ZNF487: variants seen among roughly 807,000 people sequenced by gnomAD.
The protein encoded by ZNF487 is zinc finger protein 487.
In ZNF487, 4 loss-of-function variants were observed where a neutral mutation model predicts 3.0. The ratio of observed to expected loss-of-function variants is 1.35; its 90% CI spans 0.66 to 3.08. The LOEUF is 3.08. Among genes scored for constraint, ZNF487 ranks in the 30% most tolerant of loss-of-function variants. ZNF487 has a pLI of 0.01. For synonymous variants in ZNF487, 55 were observed against 34.6 expected, an observed-to-expected ratio of 1.59 and a Z score of -2.06; for missense variants, 146 against 98.7, an observed-to-expected ratio of 1.48 and a Z score of -2.03.
At chr10:43,485,072 G>A (rs756544830), downstream of ZNF487, among the ~76,000 whole-genome samples, 1 of 152,120 alleles carries the variant, frequency 6.6e-6, no homozygotes, top group Non-Finnish European at 1.5e-5. Context: ...GCAGCAAGGC[G>A]GGCCAGATTT....
At chr10:43,479,111 A>G (rs1841215254) in intron 3 of ZNF487, among the ~76,000 whole-genome samples, 1 of 76,422 alleles carries the variant, frequency 1.3e-5, no homozygotes, top group Non-Finnish European at 3.2e-5. Context: ...ACATATATAC[A>G]CATATATATG....
At chr10:43,474,275 G>A (rs1841009387) in intron 1 of ZNF487, among the ~76,000 whole-genome samples, 1 of 151,948 alleles carries the variant, frequency 6.6e-6, no homozygotes, top group Non-Finnish European at 1.5e-5. Flanking sequence ...CCAACATGAT[G>A]AAACCCTGTC....
At chr10:43,455,618 A>C (rs988287780) in intron 1 of ZNF487, among the ~76,000 whole-genome samples, 3 of 152,066 alleles carry the variant, frequency 2.0e-5, no homozygotes, top group Non-Finnish European at 4.4e-5. Flanking sequence ...CGGCCCCTCT[A>C]GGTCCGTGGC....
the ZNF487 span, among the ~76,000 whole-genome samples, chr10:43,497,738 C>A: frequency 4.6e-5 from 7 of 151,720 alleles, no homozygotes; most frequent in Non-Finnish European, 8.8e-5. Context: ...GAGGCCGAGG[C>A]GGGAAGATCA....
chr10:43,470,000 T>C (rs1414432165), intron 1 of ZNF487, among the ~76,000 whole-genome samples: 1 of 152,100 alleles, frequency 6.6e-6, no homozygotes, highest in African/African-American at 2.4e-5. Context: ...GACATAATGC[T>C]ATTGCACACT....
At chr10:43,488,832 G>GT in the ZNF487 span, among the ~76,000 whole-genome samples, 2 of 151,998 alleles carry the variant, frequency 1.3e-5, no homozygotes, top group African/African-American at 2.4e-5. Context: ...GAAACTTACT[G>GT]GAGGCCAGGA....
the ZNF487 span, among the ~76,000 whole-genome samples, chr10:43,516,109 C>T: frequency 6.6e-6 from 1 of 152,210 alleles, no homozygotes; most frequent in East Asian, 1.9e-4. Context: ...ACCACTTTGT[C>T]CACTGAATGT....
At chr10:43,442,268 CA>C (rs1215789961) in intron 1 of ZNF487, among the ~76,000 whole-genome samples, 24 of 133,718 alleles carry the variant, frequency 1.8e-4, no homozygotes, top group South Asian at 1.2e-3. Flanking sequence ...ACAACAACAA[CA>C]AAAAAAAAAC....
In ZNF487 at chr10:43,443,384, T is replaced by G. The variant is rs558375709; in HGVS notation, c.-94+6122T>G. ...GGGCCTAGTTTTTGTTTTTGTTTTT[T>G]TTTTTTTGAGATGGAGTCTTGCTCT... On this transcript the variant is annotated intron_variant, in intron 1 of 3. Coordinates refer to ENST00000437590, the MANE Select transcript of ZNF487 (RefSeq NM_001355444.3). Among the ~76,000 whole-genome samples, 38 of 150,178 alleles carry G rather than the reference T, an allele frequency of 2.5e-4. 1 individual carries two copies. Among genetic ancestry groups the G allele is most frequent in the African/African-American group, 8.1e-4 (33 of 40,710 alleles).
intron 1 of ZNF487, among the ~76,000 whole-genome samples, chr10:43,465,621 A>G (rs1235668033): frequency 1.3e-5 from 2 of 151,114 alleles, no homozygotes; most frequent in African/African-American, 4.9e-5. Context: ...CTCACTTCCT[A>G]GATGGGATGG....
the ZNF487 span, among the ~76,000 whole-genome samples, chr10:43,516,012 C>T: frequency 5.0e-4 from 76 of 152,208 alleles, no homozygotes; most frequent in African/African-American, 1.6e-3. Flanking sequence ...GATCTCCTGA[C>T]CTCGTGATCC....
At chr10:43,514,663 G>A in the ZNF487 span, among the ~76,000 whole-genome samples, 13 of 152,154 alleles carry the variant, frequency 8.5e-5, no homozygotes, top group Admixed American at 1.3e-4. Flanking sequence ...TTTGATGGTT[G>A]AGTGCTGCCA....
chr10:43,458,678 C>T (rs1246775767), intron 1 of ZNF487, among the ~76,000 whole-genome samples: 1 of 152,074 alleles, frequency 6.6e-6, no homozygotes, highest in Non-Finnish European at 1.5e-5. Flanking sequence ...CTGTAGATGA[C>T]TTAGTAGAGA....
chr10:43,446,913 T>C (rs1190657740), intron 1 of ZNF487, among the ~76,000 whole-genome samples: 1 of 151,922 alleles, frequency 6.6e-6, no homozygotes, highest in Non-Finnish European at 1.5e-5. Context: ...CATTGAGCAC[T>C]GAGTGAGCGA....
intron 1 of ZNF487, among the ~76,000 whole-genome samples, chr10:43,444,718 A>G (rs935368796): frequency 7.2e-5 from 11 of 152,164 alleles, no homozygotes; most frequent in East Asian, 1.9e-4. Context: ...ACAGGCGCAC[A>G]CCACTCCAGG....
rs546603225 is a variant in ZNF487 at position 43,441,828 on chromosome 10, C to T, written c.-94+4566C>T. 1.1e-3 allele frequency among the ~76,000 whole-genome samples: 169 copies of T among 152,272 alleles called. 1 individual carries two copies. Among genetic ancestry groups the T allele is most frequent in the Non-Finnish European group, 2.1e-3 (146 of 68,014 alleles). On this transcript the variant is annotated intron_variant, in intron 1 of 3. Coordinates refer to ENST00000437590, the MANE Select transcript of ZNF487 (RefSeq NM_001355444.3). The stretch of plus-strand genomic sequence containing the variant: ...TCTTGAACTCCTGACCTCAAGTGAT[C>T]CACCCGCGTTGGCCTCCCAAAGTTC...
chr10:43,496,241 A>C, the ZNF487 span, among the ~76,000 whole-genome samples: 1 of 152,124 alleles, frequency 6.6e-6, no homozygotes, highest in Non-Finnish European at 1.5e-5. Context: ...TTTAGGGTTG[A>C]AATTTAGGGT....
rs1839415914 is a variant in ZNF487 at position 43,437,145 on chromosome 10, T to G, written c.-211T>G. 1.0e-5 allele frequency: 3 copies of G among 290,282 alleles called. No homozygotes were observed. Among genetic ancestry groups the G allele is most frequent in the Non-Finnish European group, 2.0e-5 (3 of 147,716 alleles). 18.0% of individuals were successfully genotyped at this position (290,282 alleles called of 1,614,324 possible). A position where few individuals can be genotyped will look rare whatever the true frequency, so the allele number is the denominator to read the frequency against. On this transcript the variant is annotated 5_prime_UTR_variant, in exon 1 of 4. Coordinates refer to ENST00000437590, the MANE Select transcript of ZNF487 (RefSeq NM_001355444.3). ...TGCGGCAGTTTCCATGGTGAGATGG[T>G]CAACAAGCCTGTAAGTTCCTCAGCT... is the stretch of plus-strand genomic sequence containing the variant.
intron 1 of ZNF487, among the ~76,000 whole-genome samples, chr10:43,468,988 C>CAAAAAAAAAAAAAAAAAAAAAAAAA (rs59076073): frequency 1.6e-5 from 1 of 60,934 alleles, no homozygotes; most frequent in African/African-American, 7.2e-5. Context: ...GACTCTATCT[C>CAAAAAAAAAAAAAAAAAAAAAAAAA]AAAAAAAAAA....
Sources: gnomAD v4.1 joint callset for allele counts (sites outside exome capture counted in the v4.1 genomes callset) on GRCh38, gnomAD v4.1.1 for gene constraint, MANE v1.5 for transcripts, NCBI Gene and HGNC (gene_info 2026-07-23, HGNC 2026-07-21) for gene names.